ATXN10: variants seen among roughly 807,000 people sequenced by gnomAD.
ATXN10 encodes ataxin-10.
ATXN10 carries 28 observed loss-of-function variants against 52.9 expected under a neutral mutation model. The ratio of observed to expected loss-of-function variants is 0.53; its 90% CI spans 0.39 to 0.73. ATXN10 has a LOEUF of 0.73. Ranked by LOEUF, ATXN10 falls within the 30% of genes least tolerant of loss-of-function variation. ATXN10 has a pLI of 0.00. For synonymous variants in ATXN10, 226 were observed against 221.5 expected, an observed-to-expected ratio of 1.02 and a Z score of -0.18; for missense variants, 565 against 577.0, an observed-to-expected ratio of 0.98 and a Z score of 0.21.
At chr22:45,836,637 T>A (rs562206042) in intron 10 of ATXN10, among the ~76,000 whole-genome samples, 13 of 152,058 alleles carry the variant, frequency 8.5e-5, no homozygotes, top group Non-Finnish European at 1.9e-4. Context: ...TGGGGTGAGA[T>A]GGGGTGAGGA....
At chr22:45,737,136 C>T (rs527253985) in intron 7 of ATXN10, among the ~76,000 whole-genome samples, 10 of 152,192 alleles carry the variant, frequency 6.6e-5, no homozygotes, top group Admixed American at 2.6e-4. Context: ...GCTGTAAAAC[C>T]GCTTGATTTG....
At chr22:45,836,345 A>T (rs1301911062) in intron 10 of ATXN10, among the ~76,000 whole-genome samples, 2 of 152,222 alleles carry the variant, frequency 1.3e-5, no homozygotes, top group African/African-American at 4.8e-5. Flanking sequence ...AAAACTTGTG[A>T]CCCCTTGCAA....
Position 45,689,736 on chromosome 22 carries a change from C to T in ATXN10, c.141C>T (p.Phe47=). The change falls in exon 2 of 12, where the codon TTC becomes TTT. Residue 47 remains phenylalanine (F), a synonymous_variant. Coordinates refer to ENST00000252934, the MANE Select transcript of ATXN10 (RefSeq NM_013236.4). ...RNRETAPRTI[F]QRVLDILKKS... ...GAGAAACAGCACCCAGGACTATCTT[C>T]CAAAGAGTTCTGGATATCCTAAAGA... 6.2e-7 allele frequency: 1 copy of T among 1,614,124 alleles called. No individual in the cohort carries two copies.
At chr22:45,711,345 G>A (rs1924241128) in intron 5 of ATXN10, among the ~76,000 whole-genome samples, 3 of 152,222 alleles carry the variant, frequency 2.0e-5, no homozygotes, top group South Asian at 2.1e-4. Flanking sequence ...AATGGAGAAC[G>A]GATTAGTGGT....
intron 7 of ATXN10, among the ~76,000 whole-genome samples, chr22:45,735,734 G>T (rs1247469721): frequency 1.3e-5 from 2 of 150,882 alleles, no homozygotes; most frequent in Admixed American, 6.6e-5. Context: ...AACTGAGACA[G>T]GTGAGCTAGA....
chr22:45,717,568 G>C (rs1488723342), intron 5 of ATXN10, among the ~76,000 whole-genome samples: 1 of 152,142 alleles, frequency 6.6e-6, no homozygotes, highest in Non-Finnish European at 1.5e-5. Flanking sequence ...TGCTGTAGAG[G>C]AAATAGAATA....
Position 45,772,688 on chromosome 22 carries a change from C to A in ATXN10, c.1173+32150C>A, listed in dbSNP as rs902742100. ...GTGTTGAGTCTTCCAATCCGTGAAC[C>A]AGGAATGTCTTTCTATTTAGATCTT... On this transcript the variant is annotated intron_variant, in intron 9 of 11. Transcript: ENST00000252934. The surrounding 1 kb of genome is among the most constrained non-coding windows in gnomAD (Gnocchi z 4.1). Among the ~76,000 whole-genome samples the A allele has an allele frequency of 6.6e-6, 1 of 152,148 alleles. No homozygotes were observed.
At chr22:45,693,874 G>A (rs546316940) in intron 3 of ATXN10, among the ~76,000 whole-genome samples, 30 of 152,236 alleles carry the variant, frequency 2.0e-4, no homozygotes, top group Non-Finnish European at 3.8e-4. Context: ...CAGCCCTCTC[G>A]ACACCTTGAT....
rs1929204070 is a variant in ATXN10 at position 45,837,436 on chromosome 22, G to A, written c.1238-5555G>A. Among the ~76,000 whole-genome samples the A allele has an allele frequency of 6.6e-6, 1 of 151,952 alleles. No homozygotes were observed. The highest frequency in any genetic ancestry group is 1.5e-5 in the Non-Finnish European group (1 of 68,000). Reference sequence around the variant, plus strand: ...ACCAGCACGCCCAGCTGATTTTTTTGTATATTTAGTAGAGATGGGGTTTTA... The same window carrying A: ...ACCAGCACGCCCAGCTGATTTTTTTATATATTTAGTAGAGATGGGGTTTTA... On this transcript the variant is annotated intron_variant, in intron 10 of 11. Coordinates refer to ENST00000252934, the MANE Select transcript of ATXN10 (RefSeq NM_013236.4). This position sits in a 1 kb window ranked among gnomAD's most constrained non-coding sequence, Gnocchi z 5.8.
rs540054520 is a variant in ATXN10 at position 45,833,868 on chromosome 22, C to T, written c.1238-9123C>T. Among the ~76,000 whole-genome samples the T allele has an allele frequency of 4.6e-5, 7 of 152,272 alleles. No homozygotes were observed. Among genetic ancestry groups the T allele is most frequent in the African/African-American group, 7.2e-5 (3 of 41,548 alleles). On this transcript the variant is annotated intron_variant, in intron 10 of 11. Transcript: ENST00000252934. This position sits in a 1 kb window ranked among gnomAD's most constrained non-coding sequence, Gnocchi z 4.3. The stretch of plus-strand genomic sequence containing the variant: ...AGCACACTTAGCAGCGATACGGCAT[C>T]GCGATCAGGGGAGCGGATGCCAGAG...
intron 9 of ATXN10, among the ~76,000 whole-genome samples, chr22:45,785,660 C>A (rs986071022): frequency 1.3e-5 from 2 of 152,210 alleles, no homozygotes; most frequent in Non-Finnish European, 2.9e-5. Context: ...GTTCACATGG[C>A]TGAGCAGGTG....
rs61155854 is a variant in ATXN10, at chr22:45,818,626, GCAGGGAT to G, written c.1237+11617_1237+11623del. Among the ~76,000 whole-genome samples the G allele has an allele frequency of 6.6e-6, 1 of 151,894 alleles. No homozygotes were observed. Among genetic ancestry groups the G allele is most frequent in the East Asian group, 1.9e-4 (1 of 5,172 alleles). ...AGGGATCAGGGATCAACAGCCTGGG[GCAGGGAT>G]CAGGGATCAGGGGGCAGGGATCATC... On this transcript the variant is annotated intron_variant, in intron 10 of 11. Transcript: ENST00000252934. This position sits in a 1 kb window ranked among gnomAD's most constrained non-coding sequence, Gnocchi z 4.6.
chr22:45,734,297 C>T (rs1017671637), intron 7 of ATXN10: 5 of 169,230 alleles, frequency 3.0e-5, no homozygotes, highest in South Asian at 1.3e-4. Flanking sequence ...TACTATTTCT[C>T]GTTAATGTTT....
chr22:45,813,802 A>T (rs1948227929), intron 10 of ATXN10, among the ~76,000 whole-genome samples: 1 of 152,214 alleles, frequency 6.6e-6, no homozygotes, highest in African/African-American at 2.4e-5. Flanking sequence ...TTGTACAAAT[A>T]TCCTATGTAG....
rs1924407783 is a variant in ATXN10, at chr22:45,715,404, A to G, written c.648-3009A>G. On this transcript the variant is annotated intron_variant, in intron 5 of 11. Transcript: ENST00000252934. This position sits in a 1 kb window ranked among gnomAD's most constrained non-coding sequence, Gnocchi z 4.4. ...AGTATAGACTGATGTTTTATACATT[A>G]TATAAACATGATGATATGGATCAAG... 6.6e-6 allele frequency among the ~76,000 whole-genome samples: 1 copy of G among 152,208 alleles called. No homozygotes were observed. Among genetic ancestry groups the G allele is most frequent in the South Asian group, 2.1e-4 (1 of 4,826 alleles).
intron 1 of ATXN10, 56 bp downstream of exon 1, chr22:45,672,235 G>A (rs1349168637): frequency 7.0e-6 from 10 of 1,432,440 alleles, no homozygotes; most frequent in East Asian, 3.1e-5. Context: ...CGGGACTCCC[G>A]CGGCGGCCCC....
In ATXN10 at chr22:45,784,715, T is replaced by TA. The variant is rs1490393476; in HGVS notation, c.1174-22243dup. On this transcript the variant is annotated intron_variant, in intron 9 of 11. Transcript: ENST00000252934. This position sits in a 1 kb window ranked among gnomAD's most constrained non-coding sequence, Gnocchi z 4.2. ...CATGGCTATTCTTACACATTCCAGATAGTCATTCTGAGGGCTGCTGTGTGG... is the reference window on the plus strand; with the variant it reads ...CATGGCTATTCTTACACATTCCAGATAAGTCATTCTGAGGGCTGCTGTGTGG... Among the ~76,000 whole-genome samples the TA allele has an allele frequency of 1.3e-5, 2 of 152,190 alleles. No individual in the cohort carries two copies. Among genetic ancestry groups the TA allele is most frequent in the Admixed American group, 1.3e-4 (2 of 15,286 alleles).
In ATXN10 at chr22:45,816,004, CT is replaced by C. The variant is rs1431787309; in HGVS notation, c.1237+8985del. Among the ~76,000 whole-genome samples, 2 of 152,102 alleles carry C rather than the reference CT, an allele frequency of 1.3e-5. No homozygotes were observed. Among genetic ancestry groups the C allele is most frequent in the African/African-American group, 4.8e-5 (2 of 41,410 alleles). ...GTGGCTCCTGCCTGTAATCCTAGCA[CT>C]TTGGGAGGCTGAGGTGTGTGCATCA... On this transcript the variant is annotated intron_variant, in intron 10 of 11. Coordinates refer to ENST00000252934, the MANE Select transcript of ATXN10 (RefSeq NM_013236.4). This position sits in a 1 kb window ranked among gnomAD's most constrained non-coding sequence, Gnocchi z 5.8.
intron 9 of ATXN10, among the ~76,000 whole-genome samples, chr22:45,788,659 G>C (rs373450634): frequency 6.6e-6 from 1 of 151,720 alleles, no homozygotes; most frequent in Non-Finnish European, 1.5e-5. Context: ...GGAGCTTTTA[G>C]TTCATTAGTT....
Sources: allele counts gnomAD v4.1 joint callset (sites outside exome capture counted in the v4.1 genomes callset), GRCh38; gene constraint gnomAD v4.1.1; non-coding constraint Gnocchi (gnomAD v3.1); transcripts MANE v1.5; gene names NCBI Gene and HGNC (gene_info 2026-07-23, HGNC 2026-07-21).